The following NT5DC3 variants were observed in gnomAD, a reference collection of about 807,000 sequenced individuals.
NT5DC3 encodes the protein 5'-nucleotidase domain containing 3.
In NT5DC3, 42 loss-of-function variants were observed where a neutral mutation model predicts 67.8. The ratio of observed to expected loss-of-function variants is 0.62; its 90% CI spans 0.48 to 0.80. The LOEUF (loss-of-function observed/expected upper bound fraction) is 0.80. Among genes scored for constraint, NT5DC3 ranks in the 30% least tolerant of loss-of-function variants. NT5DC3 has a pLI of 0.00. For missense variants in NT5DC3, 570 were observed against 696.4 expected (o/e 0.82, Z 2.04); for synonymous variants, 237 against 255.6 (o/e 0.93, Z 0.69).
At chr12:103,835,619 A>T (rs111293248) in intron 1 of NT5DC3, among the ~76,000 whole-genome samples, 2 of 152,298 alleles carry the variant, frequency 1.3e-5, no homozygotes, top group African/African-American at 4.8e-5. Context: ...TAAGACTGAT[A>T]GTTATTTCAT....
At chr12:103,792,620 CT>C (rs1409932523) in intron 9 of NT5DC3, among the ~76,000 whole-genome samples, 2 of 152,212 alleles carry the variant, frequency 1.3e-5, no homozygotes, top group Non-Finnish European at 2.9e-5. Context: ...ACAGCACACT[CT>C]GTCCCTGTCA....
At chr12:103,756,217 G>A in the NT5DC3 span, among the ~76,000 whole-genome samples, 1 of 152,188 alleles carries the variant, frequency 6.6e-6, no homozygotes, top group African/African-American at 2.4e-5. Flanking sequence ...TGCACTTAAA[G>A]TCACGTCAAT....
chr12:103,746,565 G>A, the NT5DC3 span: 1 of 1,604,060 alleles, frequency 6.2e-7, no homozygotes, highest in African/African-American at 1.3e-5. Context: ...CACACCATGG[G>A]TACAGAATGA....
intron 1 of NT5DC3, among the ~76,000 whole-genome samples, chr12:103,828,355 A>G (rs1887780591): frequency 6.6e-6 from 1 of 152,148 alleles, no homozygotes. Flanking sequence ...AGGCCCCTCC[A>G]CTGGCCAGAG....
intron 1 of NT5DC3, among the ~76,000 whole-genome samples, chr12:103,827,966 A>C (rs1044716060): frequency 6.6e-6 from 1 of 152,234 alleles, no homozygotes; most frequent in Non-Finnish European, 1.5e-5. Flanking sequence ...TTAAAGTTAC[A>C]GAAGTACAGT....
the NT5DC3 span, among the ~76,000 whole-genome samples, chr12:103,758,784 G>T: frequency 6.6e-6 from 1 of 152,316 alleles, no homozygotes; most frequent in African/African-American, 2.4e-5. Context: ...ACAGAGGATT[G>T]GCGGTATTTA....
At position 103,777,324 on chromosome 12, in the gene NT5DC3, G is replaced by C. The variant is rs1329675454; in HGVS notation, c.*505C>G. 1 of 157,918 alleles carries C rather than the reference G, an allele frequency of 6.3e-6. No individual in the cohort carries two copies. Among genetic ancestry groups the C allele is most frequent in the African/African-American group, 2.4e-5 (1 of 41,512 alleles). The allele number at this position is 157,918 out of a possible 1,614,324, so 9.8% of individuals were successfully genotyped here. A position where few individuals can be genotyped will look rare whatever the true frequency, so the allele number is the denominator to read the frequency against. ...TTAGTACCAAATGATTTGGGAACTG[G>C]CCATCACCTGGGGAACCTCTCTGCC... On this transcript the variant is annotated 3_prime_UTR_variant, in exon 14 of 14. Transcript: ENST00000392876.
chr12:103,835,996 C>A (rs1888129854), intron 1 of NT5DC3, among the ~76,000 whole-genome samples: 1 of 152,102 alleles, frequency 6.6e-6, no homozygotes, highest in Admixed American at 6.5e-5. Context: ...AAGCGGAAAC[C>A]CCTGATAAGC....
At chr12:103,753,267 A>T in the NT5DC3 span, 1 of 1,614,212 alleles carries the variant, frequency 6.2e-7, no homozygotes, top group South Asian at 1.1e-5. Flanking sequence ...GGGCCAGTAT[A>T]AGCTGACCTT....
intron 4 of NT5DC3, among the ~76,000 whole-genome samples, chr12:103,799,805 A>AAAAAAAAAAAAT (rs1555261681): frequency 0.02 from 699 of 35,686 alleles, 9 homozygotes; most frequent in African/African-American, 0.041. Context: ...TCCACATACC[A>AAAAAAAAAAAAT]AAAAAAAAAA....
intron 12 of NT5DC3, 28 bp downstream of exon 12, chr12:103,785,307 G>T (rs200421487): frequency 1.2e-6 from 2 of 1,610,426 alleles, no homozygotes; most frequent in Middle Eastern, 3.3e-4. Flanking sequence ...TAAAGAAAAA[G>T]TGAGAGAGAA....
intron 4 of NT5DC3, among the ~76,000 whole-genome samples, chr12:103,804,855 C>G (rs1886729344): frequency 6.6e-6 from 1 of 152,190 alleles, no homozygotes; most frequent in South Asian, 2.1e-4. Context: ...AGTTCAAGAC[C>G]AGCCTGGCCA....
the NT5DC3 span, chr12:103,762,141 A>C: frequency 8.1e-7 from 1 of 1,241,640 alleles, no homozygotes; most frequent in Non-Finnish European, 1.1e-6. Context: ...TGGCAGTAAT[A>C]AGGGCCAGAT....
intron 11 of NT5DC3, among the ~76,000 whole-genome samples, chr12:103,786,929 C>A (rs1056297254): frequency 2.0e-5 from 3 of 152,084 alleles, no homozygotes; most frequent in African/African-American, 7.2e-5. Flanking sequence ...GTAATCCACC[C>A]ACCTCGGCCT....
At chr12:103,790,022 C>T (rs973171461) in intron 9 of NT5DC3, among the ~76,000 whole-genome samples, 3 of 152,042 alleles carry the variant, frequency 2.0e-5, no homozygotes, top group Admixed American at 6.5e-5. Context: ...TCTAATATTG[C>T]GAGCAATTTC....
Position 103,815,075 on chromosome 12 carries a change from A to C in NT5DC3, c.255T>G (p.Ile85Met). ...IMSNLLNPDA[I>M]FSNNEMSLSD... The stretch of plus-strand genomic sequence containing the variant: ...ACAGGCTCATTTCATTGTTTGAGAA[A>C]ATGGCATCTGGATTCAACAAGTTGC... The change falls in exon 2 of 14, where the codon ATT (isoleucine) becomes ATG (methionine). Residue 85 changes from isoleucine to methionine, a missense_variant. Physicochemically the swap from Ile to Met is conservative, Grantham distance 10 (BLOSUM62 1). Transcript: ENST00000392876. 6.2e-7 allele frequency: 1 copy of C among 1,613,614 alleles called. No individual in the cohort carries two copies. The highest frequency in any genetic ancestry group is 8.5e-7 in the Non-Finnish European group (1 of 1,179,772).
At chr12:103,821,611 G>C (rs988651871) in intron 1 of NT5DC3, among the ~76,000 whole-genome samples, 10 of 152,174 alleles carry the variant, frequency 6.6e-5, no homozygotes, top group Non-Finnish European at 1.5e-5. Context: ...GTAGATTTAA[G>C]AGAACATAAA....
At position 103,773,127 on chromosome 12, in the gene NT5DC3, T is replaced by C. The variant is rs974288382; in HGVS notation, c.*4702A>G. 32 of 152,216 alleles carry C rather than the reference T, an allele frequency of 2.1e-4. No homozygotes were observed. Among genetic ancestry groups the C allele is most frequent in the African/African-American group, 7.5e-4 (31 of 41,446 alleles). 9.4% of individuals were successfully genotyped at this position (152,216 alleles called of 1,614,324 possible). A position where few individuals can be genotyped will look rare whatever the true frequency, so the allele number is the denominator to read the frequency against. ...TCTCTGCATCCCAGCTATAAGGTTA[T>C]TCATCTGCATGTTCTCAGCAAGGGA... On this transcript the variant is annotated 3_prime_UTR_variant, in exon 14 of 14. Coordinates refer to ENST00000392876, the MANE Select transcript of NT5DC3 (RefSeq NM_001031701.3).
chr12:103,807,702 T>G (rs1199380011), intron 2 of NT5DC3, among the ~76,000 whole-genome samples: 1 of 152,220 alleles, frequency 6.6e-6, no homozygotes, highest in Non-Finnish European at 1.5e-5. Context: ...CCCAGCCAAG[T>G]CTCATCTTGA....
Sources: allele counts gnomAD v4.1 joint callset (sites outside exome capture counted in the v4.1 genomes callset), GRCh38; gene constraint gnomAD v4.1.1; transcripts MANE v1.5; gene names NCBI Gene and HGNC (gene_info 2026-07-23, HGNC 2026-07-21).